The following DOCK10 variants were observed in gnomAD, a reference collection of about 807,000 sequenced individuals.
DOCK10 encodes the protein dedicator of cytokinesis protein 10.
DOCK10 carries 145 observed loss-of-function variants against 280.1 expected under a neutral mutation model. The observed-to-expected ratio is 0.52, with a 90% CI of 0.45 to 0.59. The LOEUF (loss-of-function observed/expected upper bound fraction) is 0.59, where lower values mean the gene tolerates loss of function less well. Among genes scored for constraint, DOCK10 ranks in the 20% least tolerant of loss-of-function variants. The pLI is 0.00. For missense variants in DOCK10, 2,368 were observed against 2,651.7 expected (o/e 0.89, Z 2.35); for synonymous variants, 915 against 942.2 (o/e 0.97, Z 0.53).
chr2:224,977,198 A>G (rs1381028449), intron 1 of DOCK10, among the ~76,000 whole-genome samples: 1 of 152,210 alleles, frequency 6.6e-6, no homozygotes, highest in Non-Finnish European at 1.5e-5. Flanking sequence ...TGGCAGTCCT[A>G]AATTTAAATG....
At chr2:224,790,442 A>G (rs1269600921) in intron 47 of DOCK10, among the ~76,000 whole-genome samples, 2 of 152,202 alleles carry the variant, frequency 1.3e-5, no homozygotes, top group Non-Finnish European at 2.9e-5. Context: ...TACAGGGCTT[A>G]GTGTGGTGCC....
chr2:224,804,619 C>A (rs1489918194), intron 38 of DOCK10, among the ~76,000 whole-genome samples, 175 bp downstream of exon 38: 1 of 152,004 alleles, frequency 6.6e-6, no homozygotes. Context: ...CCTAGATCTA[C>A]AATGCGTATG....
chr2:224,779,468 G>A (rs1018691537), intron 50 of DOCK10, among the ~76,000 whole-genome samples: 1 of 151,970 alleles, frequency 6.6e-6, no homozygotes. Flanking sequence ...CACCCACCTC[G>A]GCCTCCTAAA....
chr2:224,857,614 G>A (rs1181306963), intron 14 of DOCK10, among the ~76,000 whole-genome samples: 10 of 152,178 alleles, frequency 6.6e-5, no homozygotes, highest in Admixed American at 6.5e-4. Context: ...GTTAGGCTTA[G>A]TTGAAACACA....
intron 1 of DOCK10, among the ~76,000 whole-genome samples, chr2:224,968,186 A>G (rs1559889398): frequency 6.6e-6 from 1 of 152,250 alleles, no homozygotes; most frequent in Non-Finnish European, 1.5e-5. Flanking sequence ...TGAAACAAAC[A>G]TGGCAAGGAG....
At chr2:224,893,427 CTTCT>C (rs548838410) in intron 4 of DOCK10, 187 of 173,934 alleles carry the variant, frequency 1.1e-3, no homozygotes, top group African/African-American at 4.0e-3. Context: ...TTCCTTACAT[CTTCT>C]TTCTATCAAA....
intron 52 of DOCK10, 121 bp from the exon 53 acceptor site, chr2:224,773,468 GCTTTT>G: frequency 5.9e-6 from 5 of 844,694 alleles, no homozygotes; most frequent in African/African-American, 1.7e-5. Flanking sequence ...CATTCTGCAT[GCTTTT>G]CATGCATGGG....
At chr2:224,999,250 CT>C (rs111619305) in intron 1 of DOCK10, among the ~76,000 whole-genome samples, 23 of 117,372 alleles carry the variant, frequency 2.0e-4, no homozygotes, top group East Asian at 6.0e-4. Context: ...GTCTCTCTCT[CT>C]TTTTTTTTTT....
At chr2:224,918,869 AGTGT>A (rs756815201) in intron 2 of DOCK10, among the ~76,000 whole-genome samples, 21 of 107,846 alleles carry the variant, frequency 1.9e-4, no homozygotes, top group Non-Finnish European at 3.4e-4. Context: ...GGCGTGTGTG[AGTGT>A]GTGTATATGT....
chr2:224,770,583 G>C lies in DOCK10; in HGVS notation c.6267C>G (p.Tyr2089Ter). 1.2e-6 allele frequency: 2 copies of C among 1,613,978 alleles called. No homozygotes were observed. Among genetic ancestry groups the C allele is most frequent in the Non-Finnish European group, 1.7e-6 (2 of 1,179,848 alleles). Residue 2089 changes from tyrosine (Y) to a stop codon, truncating the protein, a stop_gained, in exon 54 of 56, where the codon TAC (tyrosine) becomes TAG (stop). Coordinates refer to ENST00000258390, the MANE Select transcript of DOCK10 (RefSeq NM_014689.3). LOFTEE classifies it high-confidence loss of function. The surrounding 1 kb of genome is among the most constrained non-coding windows in gnomAD (Gnocchi z 4.5). ...TCAAAAGCTTTACTTGGTTGTCAGGGTACTTCTTTGCATTGGTTTCTTCAA... is the reference window on the plus strand; with the variant it reads ...TCAAAAGCTTTACTTGGTTGTCAGGCTACTTCTTTGCATTGGTTTCTTCAA... The part of the protein sequence containing the change: ...AFLEETNAKK[Y>*]PDNQVKLLKE...
chr2:224,856,973 A>G lies in DOCK10; in HGVS notation c.1695T>C (p.Phe565=). ...TGTCCACATTTCCCTGGTTGTCCTTAAATACTGATCTAAAAGAAAATATTT... is the reference window on the plus strand; with the variant it reads ...TGTCCACATTTCCCTGGTTGTCCTTGAATACTGATCTAAAAGAAAATATTT... The part of the protein sequence containing the change: ...MPFAWAVRSV[F]KDNQGNVDRD... Residue 565 remains phenylalanine (F), a synonymous_variant, in exon 15 of 56, where the codon TTT becomes TTC. Transcript: ENST00000258390. The G allele has an allele frequency of 6.2e-7, 1 of 1,608,030 alleles. No homozygotes were observed. The highest frequency in any genetic ancestry group is 8.5e-7 in the Non-Finnish European group (1 of 1,176,956).
At position 224,968,110 on chromosome 2, in the gene DOCK10, C is replaced by T. The variant is rs140285459; in HGVS notation, c.124-36442G>A. ...TAAGATAACCATTTGGAGAAAAAAA[C>T]AATGTTAAATTTAAGCCATGATTAT... On this transcript the variant is annotated intron_variant, in intron 1 of 55. Coordinates refer to ENST00000258390, the MANE Select transcript of DOCK10 (RefSeq NM_014689.3). 1.1e-3 allele frequency among the ~76,000 whole-genome samples: 170 copies of T among 152,090 alleles called. 2 individuals carry two copies. Among genetic ancestry groups the T allele is most frequent in the African/African-American group, 4.0e-3 (164 of 41,470 alleles).
intron 19 of DOCK10, 65 bp downstream of exon 19, chr2:224,849,442 G>T: frequency 8.4e-7 from 1 of 1,190,904 alleles, no homozygotes; most frequent in South Asian, 1.3e-5. Flanking sequence ...TTCACTGCAC[G>T]GTTATCTGAA....
At chr2:224,905,497 C>T (rs1700570198) in intron 3 of DOCK10, among the ~76,000 whole-genome samples, 3 of 152,014 alleles carry the variant, frequency 2.0e-5, no homozygotes, top group African/African-American at 7.3e-5. Flanking sequence ...GATCCACCCG[C>T]CTCGGCCTCC....
intron 2 of DOCK10, among the ~76,000 whole-genome samples, chr2:224,921,112 A>ATATAT (rs1553613961): frequency 8.8e-4 from 48 of 54,362 alleles, no homozygotes; most frequent in African/African-American, 6.8e-3. Context: ...AAAAAAAAAA[A>ATATAT]ATATATATAT....
At chr2:224,955,560 T>C (rs1703988504) in intron 1 of DOCK10, among the ~76,000 whole-genome samples, 1 of 152,230 alleles carries the variant, frequency 6.6e-6, no homozygotes, top group Non-Finnish European at 1.5e-5. Flanking sequence ...GGCACCGTAA[T>C]GCATTTGTGT....
intron 26 of DOCK10, among the ~76,000 whole-genome samples, chr2:224,830,952 T>TTTATTTATTTA (rs1559509293): frequency 1.3e-5 from 1 of 79,692 alleles, no homozygotes; most frequent in Non-Finnish European, 2.5e-5. Context: ...TTATTTATTT[T>TTTATTTATTTA]TTGAGACAGT....
chr2:224,942,858 A>G (rs1703172395), intron 1 of DOCK10, among the ~76,000 whole-genome samples: 1 of 150,364 alleles, frequency 6.7e-6, no homozygotes. Context: ...TTAATGACCC[A>G]TAAACCAGTA....
chr2:224,961,513 C>CTT (rs1559874498), intron 1 of DOCK10, among the ~76,000 whole-genome samples: 1 of 94,024 alleles, frequency 1.1e-5, no homozygotes, highest in Non-Finnish European at 2.3e-5. Context: ...CTTCTTTCTT[C>CTT]ATTTTTTTTT....
Sources: allele counts gnomAD v4.1 joint callset (sites outside exome capture counted in the v4.1 genomes callset), GRCh38; gene constraint gnomAD v4.1.1; non-coding constraint Gnocchi (gnomAD v3.1); transcripts MANE v1.5; gene names NCBI Gene and HGNC (gene_info 2026-07-23, HGNC 2026-07-21).